GABRR3: variants seen among roughly 807,000 people sequenced by gnomAD.
GABRR3 encodes gamma-aminobutyric acid type A receptor subunit rho3, also known as gamma-aminobutyric acid receptor subunit rho-3.
GABRR3 carries 29 observed loss-of-function variants against 43.2 expected under a neutral mutation model. That is an observed-to-expected ratio of 0.67 (90% CI 0.50 to 0.92). GABRR3 has a LOEUF of 0.92. GABRR3 is among the 40% of genes least tolerant of loss of function. The pLI is 0.00. For synonymous variants in GABRR3, 206 were observed against 195.9 expected (o/e 1.05, Z -0.43); for missense variants, 576 against 572.3 (o/e 1.01, Z -0.07).
intron 4 of GABRR3, among the ~76,000 whole-genome samples, chr3:98,013,108 C>A (rs1228112978): frequency 6.6e-6 from 1 of 152,162 alleles, no homozygotes; most frequent in Non-Finnish European, 1.5e-5. Context: ...GGGACAGAGA[C>A]AGAATCATCC....
At chr3:97,987,299 C>A (rs1056308154) in intron 9 of GABRR3, among the ~76,000 whole-genome samples, 47 of 152,246 alleles carry the variant, frequency 3.1e-4, no homozygotes, top group Non-Finnish European at 5.3e-4. Context: ...TTCAGAGCAC[C>A]TATAAATGAT....
intron 8 of GABRR3, among the ~76,000 whole-genome samples, chr3:97,993,889 G>C (rs148929960): frequency 1.2e-4 from 18 of 152,232 alleles, no homozygotes; most frequent in African/African-American, 4.1e-4. Flanking sequence ...CAAGGTTCCA[G>C]GGGGAAAATG....
exon 10 of GABRR3, chr3:97,986,909 T>C (rs974648249): frequency 1.9e-6 from 3 of 1,611,666 alleles, no homozygotes; most frequent in Admixed American, 1.7e-5. Flanking sequence ...CTGGTCCATG[T>C]CAATCTCGCT....
At chr3:97,986,747 G>A in exon 10 of GABRR3, 3 of 1,595,042 alleles carry the variant, frequency 1.9e-6, no homozygotes, top group Non-Finnish European at 2.6e-6. Flanking sequence ...TAAAATCCTA[G>A]AATAGGTGTC....
intron 2 of GABRR3, among the ~76,000 whole-genome samples, chr3:98,028,055 T>C (rs747220844): frequency 2.6e-5 from 4 of 152,120 alleles, no homozygotes; most frequent in Non-Finnish European, 5.9e-5. Context: ...TTTTATTTTC[T>C]ATAATAATTA....
chr3:97,988,497 T>C (rs1195788934), intron 9 of GABRR3, among the ~76,000 whole-genome samples: 1 of 152,184 alleles, frequency 6.6e-6, no homozygotes, highest in Admixed American at 6.5e-5. Flanking sequence ...GGTTGGAATA[T>C]GTACATGAAC....
At chr3:97,989,367 G>T (rs1363343394) in intron 9 of GABRR3, among the ~76,000 whole-genome samples, 1 of 150,652 alleles carries the variant, frequency 6.6e-6, no homozygotes. Flanking sequence ...GGTGTGTGGT[G>T]GTGTTTGATG....
downstream of GABRR3, chr3:97,986,566 G>T (rs943254886): frequency 1.3e-5 from 9 of 672,836 alleles, no homozygotes; most frequent in African/African-American, 1.7e-4. Context: ...TTTTCATTAG[G>T]GCAGGAGAGG....
chr3:98,026,291 G>A (rs1707015487), intron 2 of GABRR3, among the ~76,000 whole-genome samples: 1 of 152,152 alleles, frequency 6.6e-6, no homozygotes, highest in African/African-American at 2.4e-5. Context: ...TATGCCTGAA[G>A]CCAGGTCAAA....
chr3:98,034,721 C>T (rs2107255807), intron 2 of GABRR3, 142 bp downstream of exon 2: 2 of 945,370 alleles, frequency 2.1e-6, no homozygotes, highest in South Asian at 3.8e-5. Flanking sequence ...TATGATGATG[C>T]ATGAATGCTA....
At chr3:98,019,624 C>T (rs1045229290) in intron 3 of GABRR3, among the ~76,000 whole-genome samples, 3 of 152,034 alleles carry the variant, frequency 2.0e-5, no homozygotes, top group Admixed American at 6.6e-5. Context: ...TTCACTCCGT[C>T]GCCCAGGCTG....
intron 4 of GABRR3, among the ~76,000 whole-genome samples, chr3:98,016,470 C>T (rs961932354): frequency 6.6e-5 from 10 of 152,172 alleles, no homozygotes; most frequent in East Asian, 1.9e-4. Flanking sequence ...GAGCAGATGG[C>T]GGTGTCATGC....
At chr3:98,008,845 TA>T in intron 6 of GABRR3, 110 bp downstream of exon 6, 1 of 427,944 alleles carries the variant, frequency 2.3e-6, no homozygotes. Flanking sequence ...CAGTTTTGGA[TA>T]AATATATCAG....
At chr3:98,003,128 A>G (rs1706674290) in intron 7 of GABRR3, among the ~76,000 whole-genome samples, 1 of 152,164 alleles carries the variant, frequency 6.6e-6, no homozygotes, top group Non-Finnish European at 1.5e-5. Context: ...GTTAAAATAT[A>G]AATTATTTTT....
At chr3:98,017,619 T>C in intron 4 of GABRR3, 36 bp downstream of exon 4, 1 of 1,514,000 alleles carries the variant, frequency 6.6e-7, no homozygotes, top group Non-Finnish European at 9.1e-7. Context: ...TTTCTGTCTT[T>C]TCAGAAAAAG....
intron 2 of GABRR3, among the ~76,000 whole-genome samples, chr3:98,029,962 A>G (rs1040324155): frequency 1.3e-5 from 2 of 151,846 alleles, no homozygotes; most frequent in Non-Finnish European, 2.9e-5. Flanking sequence ...TAAAAATACA[A>G]AAATTAGCCA....
rs79668264 is a variant in GABRR3 at position 98,012,633 on chromosome 3, C to A, written c.307-66G>T. 19 of 1,072,374 alleles carry A rather than the reference C, an allele frequency of 1.8e-5. No homozygotes were observed. The African/African-American group carries it at 2.4e-4, about 13-fold the overall frequency. 66.4% of individuals were successfully genotyped at this position (1,072,374 alleles called of 1,614,324 possible). On this transcript the variant is annotated intron_variant, in intron 4 of 9. Coordinates refer to ENST00000621172, the Ensembl canonical transcript of GABRR3. ...TATGGTTCAGGATGACCACTCAACA[C>A]TGTTAGTCCCAGGACTCATTCCTAT...
In GABRR3 at chr3:97,993,246, C is replaced by T. The variant is rs529232457; in HGVS notation, c.908-198G>A. Among the ~76,000 whole-genome samples, 5 of 152,300 alleles carry T rather than the reference C, an allele frequency of 3.3e-5. No individual in the cohort carries two copies. In the East Asian group the frequency reaches 9.6e-4, roughly 29 times the overall value. Reference sequence around the variant, plus strand: ...TCACTGGATTTTTCTGTCTCTTTTTCTTGCCCTTACCCTATTATCCAGAAG... The same window carrying T: ...TCACTGGATTTTTCTGTCTCTTTTTTTTGCCCTTACCCTATTATCCAGAAG... On this transcript the variant is annotated intron_variant, in intron 8 of 9. Coordinates refer to ENST00000621172, the Ensembl canonical transcript of GABRR3.
intron 5 of GABRR3, among the ~76,000 whole-genome samples, chr3:98,011,608 A>G (rs374336890): frequency 6.6e-6 from 1 of 151,448 alleles, no homozygotes; most frequent in Admixed American, 6.6e-5. Flanking sequence ...GTCTGCAAGG[A>G]TTTTTTTTTC....
Sources: gnomAD v4.1 joint callset for allele counts (sites outside exome capture counted in the v4.1 genomes callset) on GRCh38, gnomAD v4.1.1 for gene constraint, MANE v1.5 for transcripts, NCBI Gene and HGNC (gene_info 2026-07-23, HGNC 2026-07-21) for gene names.